The following SENP7 variants were observed in gnomAD, a reference collection of about 807,000 sequenced individuals.
The protein encoded by SENP7 is sentrin-specific protease 7.
In SENP7, 64 loss-of-function variants were observed where a neutral mutation model predicts 141.2. The observed-to-expected ratio is 0.45, with a 90% CI of 0.37 to 0.56. The LOEUF is 0.56. Ranked by LOEUF, SENP7 falls within the 20% of genes least tolerant of loss-of-function variation. The pLI is 0.00. For synonymous variants in SENP7, 382 were observed against 426.4 expected, an observed-to-expected ratio of 0.90 and a Z score of 1.28; for missense variants, 1,025 against 1,212.2, an observed-to-expected ratio of 0.85 and a Z score of 2.29.
At chr3:101,431,910 T>C (rs958045625) in intron 4 of SENP7, among the ~76,000 whole-genome samples, 3 of 152,186 alleles carry the variant, frequency 2.0e-5, no homozygotes, top group African/African-American at 7.2e-5. Context: ...TCTTATTCTT[T>C]GAAATTAAAA....
intron 3 of SENP7, among the ~76,000 whole-genome samples, chr3:101,473,392 A>G (rs1384982007): frequency 6.6e-6 from 1 of 152,038 alleles, no homozygotes; most frequent in East Asian, 1.9e-4. Context: ...CCTCACCACC[A>G]TCTGTTACTT....
In SENP7 at chr3:101,375,466, C is replaced by T. The variant is rs192244421; in HGVS notation, c.678-3340G>A. ...CTGAGGCATGAGAATCGCTTGAACC[C>T]GGGAGGCGGAGATTGCGGTGAGCCA... On this transcript the variant is annotated intron_variant, in intron 6 of 23. Coordinates refer to ENST00000394095, the MANE Select transcript of SENP7 (RefSeq NM_020654.5). 1.5e-4 allele frequency among the ~76,000 whole-genome samples: 23 copies of T among 149,504 alleles called. No homozygotes were observed. The East Asian group carries it at 3.6e-3, about 23-fold the overall frequency.
chr3:101,372,170 A>G, intron 6 of SENP7, 44 bp from the exon 7 acceptor site: 1 of 1,067,300 alleles, frequency 9.4e-7, no homozygotes. Flanking sequence ...ATAAAGCCCA[A>G]ATGAATTTAG....
rs2063179034 is a variant in SENP7 at position 101,452,456 on chromosome 3, T to A, written c.284+6499A>T. ...AGCTGGAGGCATCATGCTACCTGAC[T>A]TCAAACTATACTACAAGGCTACAGT... is the stretch of plus-strand genomic sequence containing the variant. On this transcript the variant is annotated intron_variant, in intron 4 of 23. Transcript: ENST00000394095. 2.0e-5 allele frequency among the ~76,000 whole-genome samples: 3 copies of A among 152,136 alleles called. No individual in the cohort carries two copies. The South Asian group carries it at 6.2e-4, about 32-fold the overall frequency.
At chr3:101,498,435 T>C (rs1334732174) in intron 2 of SENP7, among the ~76,000 whole-genome samples, 2 of 152,160 alleles carry the variant, frequency 1.3e-5, no homozygotes, top group African/African-American at 4.8e-5. Flanking sequence ...TTCTGTGGTA[T>C]TCCTCCCAAA....
At chr3:101,383,179 A>G (rs986687286) in intron 6 of SENP7, among the ~76,000 whole-genome samples, 3 of 152,168 alleles carry the variant, frequency 2.0e-5, no homozygotes, top group African/African-American at 7.2e-5. Context: ...CTTCATGATA[A>G]GTGAGTGAGT....
intron 6 of SENP7, among the ~76,000 whole-genome samples, chr3:101,389,513 A>AG: frequency 6.6e-6 from 1 of 152,158 alleles, no homozygotes; most frequent in East Asian, 1.9e-4. Context: ...AAGTACTAAA[A>AG]GAAAAAAAAA....
At chr3:101,329,776 A>G (rs1028364407) in intron 20 of SENP7, among the ~76,000 whole-genome samples, 6 of 69,708 alleles carry the variant, frequency 8.6e-5, no homozygotes, top group Admixed American at 6.7e-4. Context: ...CATCTCTACT[A>G]AAAAAAAAAA....
intron 1 of SENP7, among the ~76,000 whole-genome samples, chr3:101,506,580 C>T (rs1403895954): frequency 1.3e-5 from 2 of 152,156 alleles, no homozygotes; most frequent in Non-Finnish European, 2.9e-5. Context: ...AAATTAATGA[C>T]AGTCCCTGTC....
intron 11 of SENP7, chr3:101,357,228 T>C: frequency 2.8e-6 from 1 of 352,596 alleles, no homozygotes; most frequent in Non-Finnish European, 5.5e-6. Flanking sequence ...CTCGCACTCC[T>C]GACCTCAGGT....
intron 3 of SENP7, among the ~76,000 whole-genome samples, chr3:101,475,682 G>A (rs754943373): frequency 1.3e-5 from 2 of 151,776 alleles, no homozygotes; most frequent in African/African-American, 2.4e-5. Context: ...CATCCTGCAC[G>A]TATACCCTGG....
At chr3:101,510,342 T>A (rs2065798431) in intron 1 of SENP7, among the ~76,000 whole-genome samples, 2 of 152,232 alleles carry the variant, frequency 1.3e-5, no homozygotes. Context: ...TTCTGCTACT[T>A]GCAACTGAAA....
At chr3:101,467,169 A>G (rs181528956) in intron 3 of SENP7, among the ~76,000 whole-genome samples, 1 of 152,228 alleles carries the variant, frequency 6.6e-6, no homozygotes, top group African/African-American at 2.4e-5. Context: ...GTAGGTAAAC[A>G]AAGTGGCCGG....
intron 16 of SENP7, among the ~76,000 whole-genome samples, chr3:101,338,999 C>G (rs1483932979): frequency 6.6e-6 from 1 of 152,096 alleles, no homozygotes; most frequent in Non-Finnish European, 1.5e-5. Context: ...AGAAATGACT[C>G]ATAATGAAGA....
chr3:101,471,184 A>C (rs929720047), intron 3 of SENP7, among the ~76,000 whole-genome samples: 2 of 152,080 alleles, frequency 1.3e-5, no homozygotes, highest in Non-Finnish European at 2.9e-5. Flanking sequence ...AAAAGAGCCC[A>C]CATTGCCAAG....
intron 4 of SENP7, chr3:101,458,424 A>G (rs2063431251): frequency 6.6e-6 from 1 of 152,270 alleles, no homozygotes; most frequent in South Asian, 2.1e-4. Flanking sequence ...GCTCTAAATT[A>G]TTTCCAGTAA....
rs751936502 is a variant in SENP7, at chr3:101,493,984, G to A, written c.91-16C>T. The A allele has an allele frequency of 2.7e-6, 4 of 1,505,486 alleles. No individual in the cohort carries two copies. Among genetic ancestry groups the A allele is most frequent in the Middle Eastern group, 1.7e-4 (1 of 5,796 alleles). The allele number at this position is 1,505,486 out of a possible 1,614,324, so 93.3% of individuals were successfully genotyped here. ...TCTTTCTTATCTGAAAATAGGATGAGAAAATAATTAGTTTAATTGAACTAT... is the reference window on the plus strand; with the variant it reads ...TCTTTCTTATCTGAAAATAGGATGAAAAAATAATTAGTTTAATTGAACTAT... On this transcript the variant is annotated splice_polypyrimidine_tract_variant and intron_variant, in intron 2 of 23. Coordinates refer to ENST00000394095, the MANE Select transcript of SENP7 (RefSeq NM_020654.5).
chr3:101,403,606 C>T lies in SENP7; in HGVS notation c.483-4551G>A, dbSNP rs182376242. Among the ~76,000 whole-genome samples the T allele has an allele frequency of 2.3e-3, 355 of 152,238 alleles. 3 individuals carry two copies. Among genetic ancestry groups the T allele is most frequent in the African/African-American group, 8.3e-3 (345 of 41,528 alleles). Reference sequence around the variant, plus strand: ...TTGCCAACAGATACTTCAGGAAACTCTTGAAAATATCCATTTATACCATAA... The same window carrying T: ...TTGCCAACAGATACTTCAGGAAACTTTTGAAAATATCCATTTATACCATAA... On this transcript the variant is annotated intron_variant, in intron 5 of 23. Coordinates refer to ENST00000394095, the MANE Select transcript of SENP7 (RefSeq NM_020654.5).
chr3:101,394,976 C>T (rs2060926888), intron 6 of SENP7, among the ~76,000 whole-genome samples: 2 of 152,166 alleles, frequency 1.3e-5, no homozygotes, highest in African/African-American at 4.8e-5. Context: ...GTCACTTGCA[C>T]ACTTTTTAGT....
Sources: allele counts gnomAD v4.1 joint callset (sites outside exome capture counted in the v4.1 genomes callset), GRCh38; gene constraint gnomAD v4.1.1; transcripts MANE v1.5; gene names NCBI Gene and HGNC (gene_info 2026-07-23, HGNC 2026-07-21).